Variants in RBFOX1 observed in about 807,000 individuals in gnomAD.
RBFOX1 encodes the protein RNA binding protein fox-1 homolog 1.
A neutral mutation model predicts 57.7 loss-of-function variants in RBFOX1; 8 were observed. The observed-to-expected ratio is 0.14, with a 90% CI of 0.08 to 0.25. The LOEUF (loss-of-function observed/expected upper bound fraction) is 0.25. Ranked by LOEUF, RBFOX1 falls within the 10% of genes least tolerant of loss-of-function variation. The pLI is 1.00. For missense variants in RBFOX1, 611 were observed against 548.5 expected, an observed-to-expected ratio of 1.11 and a Z score of -1.14; for synonymous variants, 326 against 222.4, an observed-to-expected ratio of 1.47 and a Z score of -4.15.
intron 6 of RBFOX1, among the ~76,000 whole-genome samples, chr16:7,581,029 C>T (rs1033514263): frequency 3.9e-5 from 6 of 152,138 alleles, no homozygotes; most frequent in African/African-American, 9.7e-5. Context: ...AAATGGGAGG[C>T]TCTTGTTCAC....
chr16:7,566,676 G>A (rs1258258699), intron 5 of RBFOX1, among the ~76,000 whole-genome samples: 7 of 152,106 alleles, frequency 4.6e-5, no homozygotes, highest in Non-Finnish European at 4.4e-5. Context: ...CTGTATCCCA[G>A]ACCATTTAGC....
At chr16:7,322,266 T>C (rs1443718020) in intron 4 of RBFOX1, among the ~76,000 whole-genome samples, 1 of 152,246 alleles carries the variant, frequency 6.6e-6, no homozygotes, top group Admixed American at 6.5e-5. Context: ...GCTTTTACAA[T>C]ATGGGGTGCC....
intron 2 of RBFOX1, among the ~76,000 whole-genome samples, chr16:6,593,395 A>T (rs542733160): frequency 1.3e-5 from 2 of 152,172 alleles, no homozygotes; most frequent in Non-Finnish European, 2.9e-5. Flanking sequence ...TGATCTGCCT[A>T]TCCTTTTTCC....
At chr16:6,876,500 G>C (rs12920869) in intron 3 of RBFOX1, among the ~76,000 whole-genome samples, 38,481 of 151,972 alleles carry the variant, frequency 0.25, 5,111 homozygotes, top group African/African-American at 0.32. Context: ...ATCACATAGC[G>C]CTGTACCTAG....
intron 2 of RBFOX1, among the ~76,000 whole-genome samples, chr16:6,426,554 C>G (rs998758647): frequency 6.6e-6 from 1 of 151,966 alleles, no homozygotes; most frequent in Non-Finnish European, 1.5e-5. Context: ...TCTCTTGAGC[C>G]CAGGAGGCCG....
intron 2 of RBFOX1, among the ~76,000 whole-genome samples, chr16:5,522,173 A>G (rs769135763): frequency 6.6e-6 from 1 of 152,228 alleles, no homozygotes; most frequent in Non-Finnish European, 1.5e-5. Flanking sequence ...TTGAAGGGTT[A>G]AACCCATGGA....
At chr16:7,490,757 A>G (rs8057352) in intron 4 of RBFOX1, among the ~76,000 whole-genome samples, 36,932 of 151,978 alleles carry the variant, frequency 0.24, 5,027 homozygotes, top group East Asian at 0.39. Flanking sequence ...ATTATCTTCT[A>G]GTCTTGGTGA....
chr16:5,438,217 A>G (rs946634913), intron 1 of RBFOX1, among the ~76,000 whole-genome samples: 4 of 152,190 alleles, frequency 2.6e-5, no homozygotes, highest in Admixed American at 2.6e-4. Context: ...CACTTATAGG[A>G]CGTGGGGAAG....
intron 4 of RBFOX1, among the ~76,000 whole-genome samples, chr16:7,351,223 C>A (rs886769285): frequency 6.6e-6 from 1 of 152,206 alleles, no homozygotes; most frequent in African/African-American, 2.4e-5. Flanking sequence ...TAGCTGTGAT[C>A]TTGAACAGGT....
intron 14 of RBFOX1, among the ~76,000 whole-genome samples, chr16:7,695,128 T>G (rs2078381046): frequency 6.6e-6 from 1 of 152,196 alleles, no homozygotes; most frequent in Non-Finnish European, 1.5e-5. Context: ...GAATTGCTAT[T>G]GATCACATTT....
chr16:6,491,437 C>G (rs1196742218), intron 2 of RBFOX1, among the ~76,000 whole-genome samples: 1 of 152,108 alleles, frequency 6.6e-6, no homozygotes, highest in African/African-American at 2.4e-5. Flanking sequence ...GTGAAATTTT[C>G]TTAGGAATCT....
At chr16:7,214,327 T>C (rs1161576773) in intron 4 of RBFOX1, among the ~76,000 whole-genome samples, 4 of 152,146 alleles carry the variant, frequency 2.6e-5, no homozygotes, top group Admixed American at 6.5e-5. Flanking sequence ...CCAGCAAATA[T>C]ATTTCCCTGT....
At chr16:6,570,572 A>G (rs2097331437) in intron 2 of RBFOX1, among the ~76,000 whole-genome samples, 1 of 152,196 alleles carries the variant, frequency 6.6e-6, no homozygotes, top group African/African-American at 2.4e-5. Context: ...AAAAATAAAG[A>G]TCAAGAGCAT....
At chr16:7,465,555 A>G (rs1413990671) in intron 4 of RBFOX1, among the ~76,000 whole-genome samples, 1 of 152,200 alleles carries the variant, frequency 6.6e-6, no homozygotes, top group Admixed American at 6.5e-5. Context: ...TATTTGTGTC[A>G]TTTCAGGAAA....
chr16:5,274,483 T>A (rs181570139), intron 1 of RBFOX1, among the ~76,000 whole-genome samples: 1 of 152,284 alleles, frequency 6.6e-6, no homozygotes. Flanking sequence ...GAGCCAAGAT[T>A]GCACCACTGC....
At chr16:7,362,974 T>A (rs959352272) in intron 4 of RBFOX1, among the ~76,000 whole-genome samples, 5 of 152,150 alleles carry the variant, frequency 3.3e-5, no homozygotes, top group African/African-American at 9.7e-5. Context: ...AGCTTTTGTT[T>A]CCTAATTTTT....
intron 4 of RBFOX1, among the ~76,000 whole-genome samples, chr16:7,190,216 C>G (rs118125311): frequency 0.038 from 5,837 of 152,056 alleles, 157 homozygotes; most frequent in South Asian, 0.092. Context: ...CAGAAATTAC[C>G]CAGGCATGGT....
At chr16:5,566,758 G>A (rs963472438) in intron 2 of RBFOX1, among the ~76,000 whole-genome samples, 1 of 151,902 alleles carries the variant, frequency 6.6e-6, no homozygotes, top group African/African-American at 2.4e-5. Context: ...GCTTTGGAAT[G>A]ATTTTTGTTG....
chr16:6,379,595 T>C (rs1449961017), intron 2 of RBFOX1, among the ~76,000 whole-genome samples: 1 of 151,184 alleles, frequency 6.6e-6, no homozygotes, highest in African/African-American at 2.4e-5. Flanking sequence ...GGGTAGAAAA[T>C]TGACAAGAGA....
Sources: gnomAD v4.1 joint callset for allele counts (sites outside exome capture counted in the v4.1 genomes callset) on GRCh38, gnomAD v4.1.1 for gene constraint, MANE v1.5 for transcripts, NCBI Gene and HGNC (gene_info 2026-07-23, HGNC 2026-07-21) for gene names.